DACH1: variants seen among roughly 807,000 people sequenced by gnomAD.
DACH1 encodes the protein dachshund family transcription factor 1, also known as dachshund homolog 1.
DACH1 carries 12 observed loss-of-function variants against 54.2 expected under a neutral mutation model. The observed-to-expected ratio is 0.22, with a 90% CI of 0.14 to 0.36. The LOEUF (loss-of-function observed/expected upper bound fraction) is 0.36. Ranked by LOEUF, DACH1 falls within the 10% of genes least tolerant of loss-of-function variation. The probability of loss-of-function intolerance (pLI) is 1.00; values close to 1 mark genes in which losing one functional copy is unlikely to be tolerated. For synonymous variants in DACH1, 386 were observed against 366.2 expected, an observed-to-expected ratio of 1.05 and a Z score of -0.62; for missense variants, 805 against 929.8, an observed-to-expected ratio of 0.87 and a Z score of 1.75.
At chr13:71,657,595 TTTCTTTTTA>T (rs1412155886) in intron 2 of DACH1, among the ~76,000 whole-genome samples, 1 of 139,748 alleles carries the variant, frequency 7.2e-6, no homozygotes, top group Admixed American at 7.2e-5. Context: ...AAAAAAAAGG[TTTCTTTTTA>T]TTCTTTTTCA....
chr13:71,861,136 C>CA (rs934321340), intron 1 of DACH1, among the ~76,000 whole-genome samples: 43 of 147,260 alleles, frequency 2.9e-4, no homozygotes, highest in East Asian at 3.9e-4. Context: ...TAGAATAATC[C>CA]AAAAAAAAAG....
chr13:71,472,738 C>T (rs920349451), intron 10 of DACH1, among the ~76,000 whole-genome samples: 4 of 152,172 alleles, frequency 2.6e-5, no homozygotes, highest in African/African-American at 9.6e-5. Flanking sequence ...AGCAGGTGCT[C>T]ATGGCTCCCA....
intron 1 of DACH1, among the ~76,000 whole-genome samples, chr13:71,707,609 T>C (rs1308001616): frequency 6.6e-6 from 1 of 152,210 alleles, no homozygotes; most frequent in African/African-American, 2.4e-5. Flanking sequence ...AATTAGGCTC[T>C]TACATCTAGA....
chr13:71,619,098 T>G (rs1484134650), intron 3 of DACH1, among the ~76,000 whole-genome samples: 1 of 150,854 alleles, frequency 6.6e-6, no homozygotes, highest in Non-Finnish European at 1.5e-5. Context: ...TAATTCTGTT[T>G]TATATATATA....
intron 6 of DACH1, among the ~76,000 whole-genome samples, chr13:71,554,458 T>C (rs186532704): frequency 6.6e-6 from 1 of 152,290 alleles, no homozygotes; most frequent in Admixed American, 6.5e-5. Context: ...AAACAATTTA[T>C]AAAACCTTGA....
intron 1 of DACH1, among the ~76,000 whole-genome samples, chr13:71,748,906 T>TCTCTCTC (rs1555318093): frequency 5.7e-5 from 2 of 35,280 alleles, no homozygotes; most frequent in African/African-American, 1.2e-4. Flanking sequence ...TTCTCTTTCT[T>TCTCTCTC]TCTTTCTTTC....
Position 71,475,849 on chromosome 13 carries a change from G to T in DACH1, c.1871C>A (p.Ala624Asp). 1.3e-6 allele frequency: 2 copies of T among 1,599,084 alleles called. No individual in the cohort carries two copies. Among genetic ancestry groups the T allele is most frequent in the South Asian group, 1.1e-5 (1 of 88,420 alleles). The change falls in exon 9 of 11, where the codon GCC becomes GAC. Residue 624 changes from alanine (A) to aspartate (D), a missense_variant and splice_region_variant. Physicochemically the swap from Ala to Asp is moderately radical, Grantham distance 126 (BLOSUM62 -2). Transcript: ENST00000613252. The part of the protein sequence containing the change: ...KQLAMEQKNR[A>D]IVQKRLKKEK... ...CTTCTTTAGCCTCTTTTGAACTATG[G>T]CTAAAAAAGAGTGTATGCATATTAT...
chr13:71,527,526 T>A (rs552973979), intron 6 of DACH1, among the ~76,000 whole-genome samples: 1 of 152,168 alleles, frequency 6.6e-6, no homozygotes, highest in Non-Finnish European at 1.5e-5. Context: ...TAGCATCTTA[T>A]TTGAGTCTAA....
intron 2 of DACH1, among the ~76,000 whole-genome samples, chr13:71,653,011 C>T (rs1878793361): frequency 6.6e-6 from 1 of 152,162 alleles, no homozygotes; most frequent in Admixed American, 6.5e-5. Context: ...GAGACCTCAT[C>T]TTTCTACATA....
intron 2 of DACH1, among the ~76,000 whole-genome samples, chr13:71,673,573 G>A (rs180757891): frequency 6.6e-4 from 100 of 151,988 alleles, no homozygotes; most frequent in South Asian, 1.5e-3. Context: ...CCATGGACAC[G>A]GGGTGGGTGG....
At chr13:71,682,662 G>C (rs1880973092) in intron 1 of DACH1, among the ~76,000 whole-genome samples, 1 of 152,060 alleles carries the variant, frequency 6.6e-6, no homozygotes, top group Non-Finnish European at 1.5e-5. Context: ...GAAAGGCTTA[G>C]GATTATTTGT....
intron 1 of DACH1, among the ~76,000 whole-genome samples, chr13:71,849,331 T>C (rs1034743981): frequency 6.6e-6 from 1 of 152,208 alleles, no homozygotes; most frequent in Non-Finnish European, 1.5e-5. Context: ...CATTTCAACA[T>C]TTGGCCACAT....
chr13:71,549,764 G>T (rs1438208889), intron 6 of DACH1, among the ~76,000 whole-genome samples: 1 of 152,032 alleles, frequency 6.6e-6, no homozygotes, highest in Non-Finnish European at 1.5e-5. Flanking sequence ...GTAGTTCAAA[G>T]ACAGAATTCC....
intron 2 of DACH1, among the ~76,000 whole-genome samples, chr13:71,670,022 C>CAA (rs1880114538): frequency 6.9e-6 from 1 of 144,546 alleles, no homozygotes. Context: ...CCTAAATTAG[C>CAA]CAAAAAAAAA....
At chr13:71,472,980 G>C (rs911829168) in intron 10 of DACH1, among the ~76,000 whole-genome samples, 3 of 152,142 alleles carry the variant, frequency 2.0e-5, no homozygotes, top group Admixed American at 6.5e-5. Context: ...TAGGGTGTTA[G>C]AATAGCAAAT....
intron 1 of DACH1, among the ~76,000 whole-genome samples, chr13:71,730,042 A>T (rs1224285270): frequency 2.0e-5 from 3 of 152,136 alleles, no homozygotes; most frequent in Admixed American, 2.0e-4. Context: ...TTTTCATGGT[A>T]CAATGAAAGT....
intron 6 of DACH1, among the ~76,000 whole-genome samples, chr13:71,517,454 A>G (rs984629734): frequency 3.3e-5 from 5 of 151,926 alleles, no homozygotes; most frequent in African/African-American, 9.7e-5. Context: ...AACACCTGTC[A>G]GTCTTCGTAG....
At chr13:71,856,412 A>T (rs1226066044) in intron 1 of DACH1, among the ~76,000 whole-genome samples, 1 of 152,012 alleles carries the variant, frequency 6.6e-6, no homozygotes, top group Non-Finnish European at 1.5e-5. Context: ...TGATTATAGT[A>T]CACACTTATC....
intron 6 of DACH1, among the ~76,000 whole-genome samples, chr13:71,529,652 T>C (rs566760091): frequency 1.4e-4 from 21 of 152,324 alleles, no homozygotes; most frequent in East Asian, 1.9e-4. Context: ...TTTTCATATA[T>C]AATTTTGTCA....
Sources: gnomAD v4.1 joint callset for allele counts (sites outside exome capture counted in the v4.1 genomes callset) on GRCh38, gnomAD v4.1.1 for gene constraint, MANE v1.5 for transcripts, NCBI Gene and HGNC (gene_info 2026-07-23, HGNC 2026-07-21) for gene names.